Variants in DAD1 observed in about 807,000 individuals in gnomAD.
DAD1 encodes the protein dolichyl-diphosphooligosaccharide--protein glycosyltransferase subunit DAD1.
In DAD1, 4 loss-of-function variants were observed where a neutral mutation model predicts 9.0. The ratio of observed to expected loss-of-function variants is 0.44; its 90% CI spans 0.22 to 1.01. DAD1 has a LOEUF of 1.01. Ranked by LOEUF, DAD1 falls within the 50% of genes least tolerant of loss-of-function variation. DAD1 has a pLI of 0.24. For missense variants in DAD1, 119 were observed against 137.3 expected (o/e 0.87, Z 0.67); for synonymous variants, 60 against 62.5 (o/e 0.96, Z 0.19).
chr14:22,574,651 T>C (rs1452177425), intron 2 of DAD1, among the ~76,000 whole-genome samples: 1 of 152,198 alleles, frequency 6.6e-6, no homozygotes, highest in Non-Finnish European at 1.5e-5. Flanking sequence ...CTGGATGCTA[T>C]CAAATTTAAG....
chr14:22,568,626 G>A (rs1207444099), intron 2 of DAD1, among the ~76,000 whole-genome samples: 1 of 151,962 alleles, frequency 6.6e-6, no homozygotes, highest in Admixed American at 6.6e-5. Flanking sequence ...GAGAAACTGA[G>A]GCTCAGAGGT....
chr14:22,578,940 G>A (rs1594883034), intron 1 of DAD1, among the ~76,000 whole-genome samples: 1 of 152,160 alleles, frequency 6.6e-6, no homozygotes, highest in Admixed American at 6.5e-5. Context: ...AGATGGGGAT[G>A]CACTTGAGGC....
In DAD1 at chr14:22,565,134, G is replaced by A. The variant is rs1410053137; in HGVS notation, c.*48C>T. 1.4e-6 allele frequency: 1 copy of A among 702,070 alleles called. No homozygotes were observed. Among genetic ancestry groups the A allele is most frequent in the African/African-American group, 1.7e-5 (1 of 57,230 alleles). 43.5% of individuals were successfully genotyped at this position (702,070 alleles called of 1,614,324 possible). A position where few individuals can be genotyped will look rare whatever the true frequency, so the allele number is the denominator to read the frequency against. ...CTCTTATCCAGGAAATTCAAAGAGT[G>A]AACCTAGAAGAAAAAAGCAGCAAGG... On this transcript the variant is annotated 3_prime_UTR_variant, in exon 3 of 3. Transcript: ENST00000250498.
chr14:22,565,267 C>T (rs1171430302), intron 2 of DAD1, 130 bp from the exon 3 acceptor site: 8 of 543,388 alleles, frequency 1.5e-5, no homozygotes, highest in African/African-American at 3.9e-5. Context: ...TTAAACCAGG[C>T]GAGAAAAACT....
chr14:22,577,601 TA>T (rs2139242145), intron 1 of DAD1, among the ~76,000 whole-genome samples: 1 of 152,312 alleles, frequency 6.6e-6, no homozygotes, highest in South Asian at 2.1e-4. Flanking sequence ...TACTCAGCCT[TA>T]AAAGGAAGGA....
chr14:22,580,467 T>C (rs1007058272), intron 1 of DAD1, among the ~76,000 whole-genome samples: 2 of 151,972 alleles, frequency 1.3e-5, no homozygotes, highest in African/African-American at 4.8e-5. Context: ...ATGATATACA[T>C]AATTATCTTG....
intron 1 of DAD1, among the ~76,000 whole-genome samples, chr14:22,586,915 C>T (rs564132318): frequency 2.3e-4 from 35 of 152,180 alleles, no homozygotes; most frequent in Non-Finnish European, 4.9e-4. Flanking sequence ...CTTGAAGTTG[C>T]TTTCATTTCT....
At chr14:22,585,420 A>C (rs2037145385) in intron 1 of DAD1, among the ~76,000 whole-genome samples, 1 of 152,244 alleles carries the variant, frequency 6.6e-6, no homozygotes, top group Non-Finnish European at 1.5e-5. Context: ...CCAACACTGG[A>C]ATATAACTCT....
intron 1 of DAD1, 61 bp from the exon 2 acceptor site, chr14:22,575,294 T>A: frequency 6.3e-7 from 1 of 1,575,062 alleles, no homozygotes; most frequent in Non-Finnish European, 8.6e-7. Flanking sequence ...AATATGCTAA[T>A]GAACACAGAC....
chr14:22,586,641 C>A (rs1163559931), intron 1 of DAD1, among the ~76,000 whole-genome samples: 4 of 152,192 alleles, frequency 2.6e-5, no homozygotes, highest in Non-Finnish European at 5.9e-5. Flanking sequence ...TCTCCCAGCT[C>A]ACTGGACTCC....
intron 1 of DAD1, among the ~76,000 whole-genome samples, chr14:22,578,905 G>A (rs545999582): frequency 6.6e-6 from 1 of 152,300 alleles, no homozygotes; most frequent in South Asian, 2.1e-4. Context: ...CTTATCTGCT[G>A]ATTTAAAGGT....
intron 2 of DAD1, among the ~76,000 whole-genome samples, chr14:22,568,238 G>A (rs1476377391): frequency 3.3e-5 from 5 of 152,198 alleles, no homozygotes; most frequent in Admixed American, 1.3e-4. Context: ...ACATCACTGG[G>A]TAGGAAGGAA....
intron 2 of DAD1, among the ~76,000 whole-genome samples, chr14:22,571,647 T>A (rs12893536): frequency 0.088 from 13,087 of 149,086 alleles, 1,064 homozygotes; most frequent in African/African-American, 0.21. Flanking sequence ...TTTTTTTTTT[T>A]TAGAAAACAG....
At chr14:22,579,840 C>CT (rs34081969) in intron 1 of DAD1, among the ~76,000 whole-genome samples, 3,281 of 129,184 alleles carry the variant, frequency 0.025, 122 homozygotes, top group African/African-American at 0.047. Context: ...AAAGCCAATC[C>CT]TTTTTTTTTT....
At chr14:22,577,199 T>G (rs1416340902) in intron 1 of DAD1, among the ~76,000 whole-genome samples, 2 of 152,136 alleles carry the variant, frequency 1.3e-5, no homozygotes, top group African/African-American at 4.8e-5. Flanking sequence ...TTTGGGAGGC[T>G]GAACCAGGCG....
chr14:22,568,989 G>A (rs908239068), intron 2 of DAD1, among the ~76,000 whole-genome samples: 3 of 152,068 alleles, frequency 2.0e-5, no homozygotes, highest in Admixed American at 1.3e-4. Context: ...CTAAGCCACC[G>A]CACCAGCCCC....
At chr14:22,565,267 C>A in intron 2 of DAD1, 130 bp from the exon 3 acceptor site, 8 of 543,496 alleles carry the variant, frequency 1.5e-5, no homozygotes, top group East Asian at 3.1e-5. Flanking sequence ...TTAAACCAGG[C>A]GAGAAAAACT....
intron 2 of DAD1, among the ~76,000 whole-genome samples, chr14:22,571,829 C>T (rs1375398475): frequency 6.6e-6 from 1 of 151,860 alleles, no homozygotes; most frequent in African/African-American, 2.4e-5. Context: ...GAGGTTTCAC[C>T]ATGTTGGCCA....
chr14:22,579,493 C>G (rs1195837193), intron 1 of DAD1, among the ~76,000 whole-genome samples: 1 of 152,072 alleles, frequency 6.6e-6, no homozygotes, highest in Non-Finnish European at 1.5e-5. Context: ...GTATCCAGAC[C>G]CTTAAAAATA....
Sources: allele counts gnomAD v4.1 joint callset (sites outside exome capture counted in the v4.1 genomes callset), GRCh38; gene constraint gnomAD v4.1.1; transcripts MANE v1.5; gene names NCBI Gene and HGNC (gene_info 2026-07-23, HGNC 2026-07-21).